The following PDZRN3 variants were observed in gnomAD, a reference collection of about 807,000 sequenced individuals.
PDZRN3 encodes E3 ubiquitin-protein ligase PDZRN3.
A neutral mutation model predicts 85.7 loss-of-function variants in PDZRN3; 38 were observed. The ratio of observed to expected loss-of-function variants is 0.44; its 90% CI spans 0.34 to 0.58. The LOEUF is 0.58. Ranked by LOEUF, PDZRN3 falls within the 20% of genes least tolerant of loss-of-function variation. The pLI is 0.01. For missense variants in PDZRN3, 1,629 were observed against 1,506.4 expected (o/e 1.08, Z -1.35); for synonymous variants, 759 against 638.0 (o/e 1.19, Z -2.86).
rs541749569 is a variant in PDZRN3, at chr3:73,418,016, C to T, written c.919-13621G>A. On this transcript the variant is annotated intron_variant, in intron 3 of 9. Coordinates refer to ENST00000263666, the MANE Select transcript of PDZRN3 (RefSeq NM_015009.3). ...AATCAAAAGTAAACTTAAGTGTGTA[C>T]TTCTTTCTCAAAGATTTATAAATGT... is the stretch of plus-strand genomic sequence containing the variant. Among the ~76,000 whole-genome samples, 11 of 152,258 alleles carry T rather than the reference C, an allele frequency of 7.2e-5. No homozygotes were observed. The South Asian group carries it at 2.3e-3, about 32-fold the overall frequency.
chr3:73,571,185 C>T (rs1702040908), intron 3 of PDZRN3, among the ~76,000 whole-genome samples: 1 of 152,186 alleles, frequency 6.6e-6, no homozygotes, highest in Admixed American at 6.5e-5. Flanking sequence ...ACTTTCTCTA[C>T]CATGTTTTCC....
intron 1 of PDZRN3, among the ~76,000 whole-genome samples, chr3:73,610,553 A>T (rs1384013249): frequency 2.6e-5 from 4 of 152,216 alleles, no homozygotes; most frequent in Non-Finnish European, 4.4e-5. Context: ...AGGACGCTGA[A>T]AATCTCACTA....
chr3:73,497,967 G>A (rs1350763930), intron 3 of PDZRN3, among the ~76,000 whole-genome samples: 2 of 152,170 alleles, frequency 1.3e-5, no homozygotes, highest in Non-Finnish European at 2.9e-5. Flanking sequence ...AAGGGTGGTA[G>A]GGTCTGGGAA....
At chr3:73,400,146 G>GTCTT (rs1288323794) in intron 5 of PDZRN3, among the ~76,000 whole-genome samples, 3 of 152,182 alleles carry the variant, frequency 2.0e-5, no homozygotes, top group Non-Finnish European at 2.9e-5. Flanking sequence ...AACATCAGGT[G>GTCTT]TCTTTTTACC....
At chr3:73,551,642 T>C (rs1223277021) in intron 3 of PDZRN3, among the ~76,000 whole-genome samples, 2 of 148,660 alleles carry the variant, frequency 1.3e-5, no homozygotes, top group East Asian at 2.0e-4. Context: ...CGAACTGTGA[T>C]TGCACCACTG....
At chr3:73,470,525 G>A (rs1703315395) in intron 3 of PDZRN3, among the ~76,000 whole-genome samples, 1 of 152,160 alleles carries the variant, frequency 6.6e-6, no homozygotes, top group Non-Finnish European at 1.5e-5. Context: ...AGAGGTGGTG[G>A]TAGGATTTGA....
chr3:73,472,124 A>G (rs1465097302), intron 3 of PDZRN3, among the ~76,000 whole-genome samples: 2 of 152,244 alleles, frequency 1.3e-5, no homozygotes, highest in Admixed American at 1.3e-4. Context: ...GCAATGCAGA[A>G]AACAACACAC....
intron 5 of PDZRN3, among the ~76,000 whole-genome samples, chr3:73,397,403 AG>A (rs1039546330): frequency 6.6e-6 from 1 of 152,162 alleles, no homozygotes; most frequent in Middle Eastern, 3.2e-3. Context: ...TGAACCCAAG[AG>A]TTAGAACAAA....
At chr3:73,570,798 C>T (rs778746200) in intron 3 of PDZRN3, among the ~76,000 whole-genome samples, 4 of 152,110 alleles carry the variant, frequency 2.6e-5, no homozygotes, top group Non-Finnish European at 4.4e-5. Context: ...GATGAAGGTG[C>T]CCAGGAGGTC....
intron 3 of PDZRN3, among the ~76,000 whole-genome samples, chr3:73,523,093 G>T (rs1477886216): frequency 6.6e-6 from 1 of 152,150 alleles, no homozygotes; most frequent in East Asian, 1.9e-4. Flanking sequence ...CACAGTCTTG[G>T]CTCACTGCAA....
intron 1 of PDZRN3, among the ~76,000 whole-genome samples, chr3:73,614,798 G>A (rs1702736451): frequency 6.6e-6 from 1 of 152,140 alleles, no homozygotes; most frequent in Non-Finnish European, 1.5e-5. Flanking sequence ...CACTCCCTAT[G>A]CTCAGATGCT....
intron 3 of PDZRN3, among the ~76,000 whole-genome samples, chr3:73,565,000 T>G (rs1030692338): frequency 1.3e-5 from 2 of 152,186 alleles, no homozygotes; most frequent in Non-Finnish European, 2.9e-5. Flanking sequence ...ATTATCAAAG[T>G]TACCCAAGTA....
At chr3:73,473,339 A>C (rs1703385093) in intron 3 of PDZRN3, among the ~76,000 whole-genome samples, 1 of 152,124 alleles carries the variant, frequency 6.6e-6, no homozygotes, top group South Asian at 2.1e-4. Context: ...ATGTCCTGGC[A>C]GCCAACTGAG....
At chr3:73,393,478 A>AGACTT (rs1465117135) in intron 5 of PDZRN3, among the ~76,000 whole-genome samples, 1 of 152,236 alleles carries the variant, frequency 6.6e-6, no homozygotes, top group Non-Finnish European at 1.5e-5. Context: ...CATGATTAGC[A>AGACTT]GACTTGTCTC....
intron 3 of PDZRN3, among the ~76,000 whole-genome samples, chr3:73,593,301 T>C (rs534427852): frequency 5.3e-5 from 8 of 152,358 alleles, no homozygotes; most frequent in Non-Finnish European, 2.9e-5. Context: ...AATGCGGACA[T>C]TGGTTACTTC....
At position 73,384,032 on chromosome 3, in the gene PDZRN3, C is replaced by T. The variant is rs926613280; in HGVS notation, c.2534G>A (p.Gly845Glu). 1.9e-6 allele frequency: 3 copies of T among 1,594,366 alleles called. No homozygotes were observed. Among genetic ancestry groups the T allele is most frequent in the Non-Finnish European group, 2.6e-6 (3 of 1,171,450 alleles). ...CTGGCTGGGCGTGGGGCTCCGGCTC[C>T]CGTCGCTGGCTCTCCGCTCTTTGCT... ...LESKERRASDGSRSPTPSQKL... is the reference protein window; with the variant it reads ...LESKERRASDESRSPTPSQKL... The change falls in exon 10 of 10, where the codon GGG becomes GAG. Residue 845 changes from glycine to glutamate, a missense_variant. Physicochemically the swap from Gly to Glu is moderately conservative, Grantham distance 98. Coordinates refer to ENST00000263666, the MANE Select transcript of PDZRN3 (RefSeq NM_015009.3).
At position 73,624,332 on chromosome 3, in the gene PDZRN3, G is replaced by C; in HGVS notation, c.494C>G (p.Ala165Gly). The C allele has an allele frequency of 7.6e-7, 1 of 1,309,562 alleles. No individual in the cohort carries two copies. The allele number at this position is 1,309,562 out of a possible 1,614,324, so 81.1% of individuals were successfully genotyped here. The change falls in exon 1 of 10, where the codon GCG becomes GGG. Residue 165 changes from alanine to glycine, a missense_variant. Physicochemically the swap from Ala to Gly is moderately conservative, Grantham distance 60. Coordinates refer to ENST00000263666, the MANE Select transcript of PDZRN3 (RefSeq NM_015009.3). ...QRAGGHCCAR[A>G]LRAHNGALQA... ...GAGCGCGCCGTTGTGCGCCCGCAGCGCTCGCGCGCAGCAGTGGCCGCCCGC... is the reference window on the plus strand; with the variant it reads ...GAGCGCGCCGTTGTGCGCCCGCAGCCCTCGCGCGCAGCAGTGGCCGCCCGC...
chr3:73,384,018 T>C lies in PDZRN3; in HGVS notation c.2548A>G (p.Thr850Ala). ...RRASDGSRSP[T>A]PSQKLGSAYL... ...GCGCTGCCCAGCTTCTGGCTGGGCG[T>C]GGGGCTCCGGCTCCCGTCGCTGGCT... Residue 850 changes from threonine (T) to alanine (A), a missense_variant, in exon 10 of 10, where the codon ACG becomes GCG. Transcript: ENST00000263666. 1.3e-6 allele frequency: 2 copies of C among 1,591,852 alleles called. No homozygotes were observed. Among genetic ancestry groups the C allele is most frequent in the East Asian group, 2.2e-5 (1 of 44,682 alleles).
chr3:73,393,522 T>C (rs569603267), intron 5 of PDZRN3, among the ~76,000 whole-genome samples: 103 of 152,254 alleles, frequency 6.8e-4, no homozygotes, highest in African/African-American at 2.3e-3. Flanking sequence ...CAGGTGTTGG[T>C]GAACGCGTCG....
Sources: gnomAD v4.1 joint callset for allele counts (sites outside exome capture counted in the v4.1 genomes callset) on GRCh38, gnomAD v4.1.1 for gene constraint, MANE v1.5 for transcripts, NCBI Gene and HGNC (gene_info 2026-07-23, HGNC 2026-07-21) for gene names.